TMEM71: variants seen among roughly 807,000 people sequenced by gnomAD.
TMEM71 encodes the protein transmembrane protein 71.
Under a neutral mutation model 38.0 loss-of-function variants are expected in TMEM71, and 44 were observed. The observed-to-expected ratio is 1.16, with a 90% confidence interval of 0.91 to 1.49. The LOEUF is 1.49. Ranked by LOEUF, TMEM71 falls within the 40% of genes most tolerant of loss-of-function variation. The pLI, the probability that TMEM71 is intolerant of heterozygous loss-of-function variation, is 0.00. For missense variants in TMEM71, 367 were observed against 348.6 expected, an observed-to-expected ratio of 1.05 and a Z score of -0.42; for synonymous variants, 133 against 122.5, an observed-to-expected ratio of 1.09 and a Z score of -0.56.
chr8:132,760,149 C>T (rs1283654381), intron 1 of TMEM71: 1 of 150,916 alleles, frequency 6.6e-6, no homozygotes, highest in African/African-American at 2.4e-5. Flanking sequence ...AATCTACAGG[C>T]AGTACACTGA....
At chr8:132,748,200 G>A (rs181992155) in intron 4 of TMEM71, among the ~76,000 whole-genome samples, 3 of 152,366 alleles carry the variant, frequency 2.0e-5, no homozygotes, top group Admixed American at 1.3e-4. Flanking sequence ...AGCTATAGCT[G>A]CTATCAGAAG....
Position 132,722,109 on chromosome 8 carries a change from C to A in TMEM71, c.683G>T (p.Arg228Met), listed in dbSNP as rs753555528. 1.7e-5 allele frequency: 28 copies of A among 1,612,734 alleles called. No homozygotes were observed. In the East Asian group the frequency reaches 6.2e-4, roughly 36 times the overall value. Residue 228 changes from arginine to methionine, a missense_variant, in exon 7 of 10, where the codon AGG (arginine) becomes ATG (methionine). By Grantham distance (91) the Arg-to-Met change is moderately conservative (BLOSUM62 -1). Transcript: ENST00000677595. ...CTGAAAGAAGACCTCTTGCAACAAC[C>A]TGGTTTCTAATAGGAAGAACAAAAA... is the stretch of plus-strand genomic sequence containing the variant. ...QENSSDHSET[R>M]LLQEVFFQAI...
intron 5 of TMEM71, among the ~76,000 whole-genome samples, chr8:132,735,771 C>T (rs1451182173): frequency 1.3e-5 from 2 of 152,196 alleles, no homozygotes. Flanking sequence ...CAGTGATTCT[C>T]AGACTTTAGT....
At chr8:132,731,602 C>A (rs1255999026) in intron 5 of TMEM71, among the ~76,000 whole-genome samples, 2 of 152,116 alleles carry the variant, frequency 1.3e-5, no homozygotes, top group Non-Finnish European at 2.9e-5. Context: ...TAATCTCTGC[C>A]CCCTGCCTCA....
chr8:132,735,619 T>C (rs1229832899), intron 5 of TMEM71, among the ~76,000 whole-genome samples: 1 of 152,188 alleles, frequency 6.6e-6, no homozygotes, highest in East Asian at 1.9e-4. Context: ...TTGGAAACCA[T>C]GAGAATTTTA....
the TMEM71 span, among the ~76,000 whole-genome samples, chr8:132,771,992 G>A: frequency 6.6e-6 from 1 of 152,202 alleles, no homozygotes; most frequent in Non-Finnish European, 1.5e-5. Context: ...ATGGAATGAA[G>A]AGATTTGACA....
chr8:132,722,565 A>G (rs1227051589), intron 6 of TMEM71, among the ~76,000 whole-genome samples: 1 of 152,242 alleles, frequency 6.6e-6, no homozygotes, highest in Non-Finnish European at 1.5e-5. Context: ...CCATTATCTT[A>G]GTTCTGCAAA....
chr8:132,752,782 G>C (rs1405686828), intron 3 of TMEM71, among the ~76,000 whole-genome samples: 1 of 147,560 alleles, frequency 6.8e-6, no homozygotes, highest in Admixed American at 6.8e-5. Flanking sequence ...AAAAAAAAAG[G>C]GAGAGAGAGA....
intron 5 of TMEM71, among the ~76,000 whole-genome samples, chr8:132,743,904 C>T (rs886911746): frequency 6.6e-6 from 1 of 152,212 alleles, no homozygotes; most frequent in Non-Finnish European, 1.5e-5. Context: ...ATGTTCTTAC[C>T]TTTCCCCTTC....
chr8:132,709,368 T>C (rs1336021904), downstream of TMEM71, among the ~76,000 whole-genome samples: 4 of 152,198 alleles, frequency 2.6e-5, no homozygotes, highest in Non-Finnish European at 5.9e-5. Flanking sequence ...TACTAAATTA[T>C]TACACGAGGC....
intron 7 of TMEM71, among the ~76,000 whole-genome samples, chr8:132,720,809 A>C (rs2131029940): frequency 6.6e-6 from 1 of 152,282 alleles, no homozygotes; most frequent in Non-Finnish European, 1.5e-5. Flanking sequence ...AGACCCCTGG[A>C]CTGTTGTATT....
intron 4 of TMEM71, among the ~76,000 whole-genome samples, 166 bp from the exon 5 acceptor site, chr8:132,747,280 CAA>C (rs1828444254): frequency 6.6e-6 from 1 of 152,068 alleles, no homozygotes; most frequent in South Asian, 2.1e-4. Flanking sequence ...GGCTCAATGT[CAA>C]GAGTACTGAG....
downstream of TMEM71, among the ~76,000 whole-genome samples, chr8:132,706,080 G>C (rs780476506): frequency 5.3e-5 from 8 of 152,114 alleles, no homozygotes; most frequent in Non-Finnish European, 1.0e-4. Flanking sequence ...GCTGAAACAA[G>C]AAGACAGCCA....
rs1302532982 is a variant in TMEM71 at position 132,727,932 on chromosome 8, T to C, written c.542A>G (p.Asn181Ser). 4 of 1,613,942 alleles carry C rather than the reference T, an allele frequency of 2.5e-6. No homozygotes were observed. The African/African-American group carries it at 5.3e-5, about 22-fold the overall frequency. ...AGAGGAGGTGATCACAGACTCTGCA[T>C]TCATCTTCCCTGACTCCCAGTCATC... ...LTDDWESGKM[N>S]AESVITSSSS... The change falls in exon 6 of 10, where the codon AAT (asparagine) becomes AGT (serine). Residue 181 changes from asparagine (N) to serine (S), a missense_variant. By Grantham distance (46) the Asn-to-Ser change is conservative (BLOSUM62 1). Transcript: ENST00000677595.
At chr8:132,732,204 T>C (rs868261388) in intron 5 of TMEM71, among the ~76,000 whole-genome samples, 3 of 151,880 alleles carry the variant, frequency 2.0e-5, no homozygotes, top group African/African-American at 7.3e-5. Context: ...AGTTATCCAG[T>C]GGGAATCTAG....
At chr8:132,715,409 C>CAAAAAAAAAAAAAAAAAAAAAAAA (rs975995287) in intron 7 of TMEM71, among the ~76,000 whole-genome samples, 1 of 21,564 alleles carries the variant, frequency 4.6e-5, no homozygotes, top group Non-Finnish European at 1.1e-4. Context: ...GACTCCGTCT[C>CAAAAAAAAAAAAAAAAAAAAAAAA]AAAAAAAAAA....
At chr8:132,754,834 T>C (rs916570920) in intron 3 of TMEM71, among the ~76,000 whole-genome samples, 18 of 152,178 alleles carry the variant, frequency 1.2e-4, no homozygotes, top group Admixed American at 1.0e-3. Context: ...ATAGTACAGG[T>C]AGAAATTTGA....
At chr8:132,760,198 G>C (rs377175877) in intron 1 of TMEM71, 2 of 139,834 alleles carry the variant, frequency 1.4e-5, no homozygotes, top group Non-Finnish European at 3.2e-5. Flanking sequence ...AAAAAAAAAA[G>C]CCCTTCAGTT....
chr8:132,723,841 C>G (rs1388037106), intron 6 of TMEM71, among the ~76,000 whole-genome samples: 1 of 152,104 alleles, frequency 6.6e-6, no homozygotes, highest in Admixed American at 6.5e-5. Flanking sequence ...GGGGAACCCA[C>G]CCCCAACATT....
Sources: allele counts gnomAD v4.1 joint callset (sites outside exome capture counted in the v4.1 genomes callset), GRCh38; gene constraint gnomAD v4.1.1; transcripts MANE v1.5; gene names NCBI Gene and HGNC (gene_info 2026-07-23, HGNC 2026-07-21).